Variants in ACACA observed in about 807,000 individuals in gnomAD.
ACACA encodes the protein acetyl-CoA carboxylase alpha, also known as acetyl-CoA carboxylase 1.
In ACACA, 103 loss-of-function variants were observed where a neutral mutation model predicts 296.1. The ratio of observed to expected loss-of-function variants is 0.35; its 90% CI spans 0.30 to 0.41. The LOEUF (loss-of-function observed/expected upper bound fraction) is 0.41. Among genes scored for constraint, ACACA ranks in the 10% least tolerant of loss-of-function variants. The pLI is 1.00. For synonymous variants in ACACA, 953 were observed against 1,038.6 expected (o/e 0.92, Z 1.58); for missense variants, 1,554 against 2,989.7 (o/e 0.52, Z 11.20).
Position 37,085,537 on chromosome 17 carries a change from C to T in ACACA, c.*1779G>A, listed in dbSNP as rs951005594. ...ATGAATCCAATTCTTACTAGGTAAG[C>T]AAATAGCCAGCAATGGTCAATGCAT... On this transcript the variant is annotated 3_prime_UTR_variant, in exon 56 of 56. Coordinates refer to ENST00000616317, the MANE Select transcript of ACACA (RefSeq NM_198834.3). 21 of 398,454 alleles carry T rather than the reference C, an allele frequency of 5.3e-5. No individual in the cohort carries two copies. The highest frequency in any genetic ancestry group is 3.9e-4 in the African/African-American group (19 of 48,744). 24.7% of individuals were successfully genotyped at this position (398,454 alleles called of 1,614,324 possible). A position where few individuals can be genotyped will look rare whatever the true frequency, so the allele number is the denominator to read the frequency against.
chr17:37,262,895 A>G (rs1321272439), intron 11 of ACACA, among the ~76,000 whole-genome samples: 1 of 151,814 alleles, frequency 6.6e-6, no homozygotes, highest in African/African-American at 2.4e-5. Context: ...ACACTCAGCT[A>G]ATTTTTGTAT....
intron 3 of ACACA, among the ~76,000 whole-genome samples, chr17:37,289,091 C>T (rs900407319): frequency 2.6e-5 from 4 of 151,638 alleles, no homozygotes; most frequent in African/African-American, 9.7e-5. Flanking sequence ...GGTGAAACCC[C>T]GTCTCTACTA....
chr17:37,383,690 G>A (rs1184378476), intron 1 of ACACA, among the ~76,000 whole-genome samples: 1 of 152,102 alleles, frequency 6.6e-6, no homozygotes, highest in Admixed American at 6.6e-5. Context: ...TGGGATTACA[G>A]CACCACCATG....
intron 8 of ACACA, among the ~76,000 whole-genome samples, chr17:37,275,679 C>T (rs948152518): frequency 6.6e-6 from 1 of 152,174 alleles, no homozygotes; most frequent in African/African-American, 2.4e-5. Context: ...TCTAAACCCA[C>T]AAAACCATAT....
At chr17:37,344,299 T>C (rs1018270410) in intron 1 of ACACA, among the ~76,000 whole-genome samples, 2 of 152,016 alleles carry the variant, frequency 1.3e-5, no homozygotes, top group African/African-American at 4.8e-5. Context: ...AGCTCACACC[T>C]GTAATCACAG....
intron 9 of ACACA, 38 bp downstream of exon 9, chr17:37,274,155 C>T: frequency 1.3e-6 from 2 of 1,538,706 alleles, no homozygotes; most frequent in Non-Finnish European, 1.8e-6. Context: ...TATAACTGGT[C>T]AGCTGAAAGG....
chr17:37,321,525 G>A lies in ACACA; in HGVS notation c.338+8648C>T, dbSNP rs552362387. On this transcript the variant is annotated intron_variant, in intron 3 of 55. Coordinates refer to ENST00000616317, the MANE Select transcript of ACACA (RefSeq NM_198834.3). ...AGCACTTTGGGAGGCTGAGGCGGGCGGATCATGAGGTCAGGAGATCGATAC... is the reference window on the plus strand; with the variant it reads ...AGCACTTTGGGAGGCTGAGGCGGGCAGATCATGAGGTCAGGAGATCGATAC... Among the ~76,000 whole-genome samples, 13 of 152,146 alleles carry A rather than the reference G, an allele frequency of 8.5e-5. No individual in the cohort carries two copies. The East Asian group carries it at 1.9e-3, about 23-fold the overall frequency.
At chr17:37,308,041 G>C (rs1420761164) in intron 3 of ACACA, among the ~76,000 whole-genome samples, 1 of 152,020 alleles carries the variant, frequency 6.6e-6, no homozygotes, top group Non-Finnish European at 1.5e-5. Flanking sequence ...TACATTCATT[G>C]CAAGTGTTTA....
At chr17:37,333,134 C>T (rs1381243859) in intron 2 of ACACA, among the ~76,000 whole-genome samples, 1 of 152,094 alleles carries the variant, frequency 6.6e-6, no homozygotes, top group Non-Finnish European at 1.5e-5. Flanking sequence ...CTCACTCAGG[C>T]ACTAGAATTA....
Position 37,243,386 on chromosome 17 carries a change from C to T in ACACA, c.2916G>A (p.Gln972=). 1 of 1,614,124 alleles carries T rather than the reference C, an allele frequency of 6.2e-7. No individual in the cohort carries two copies. Among genetic ancestry groups the T allele is most frequent in the Non-Finnish European group, 8.5e-7 (1 of 1,179,990 alleles). ...YASNITSVLC[Q]FPSQQIANIL... is the part of the protein sequence containing the mutation. Reference sequence around the variant, plus strand: ...CTATAAATACCTGCTGGCTGGGAAACTGACAGAGGACTGATGTGATGTTGC... The same window carrying T: ...CTATAAATACCTGCTGGCTGGGAAATTGACAGAGGACTGATGTGATGTTGC... The change falls in exon 22 of 56, where the codon CAG becomes CAA. Residue 972 remains glutamine, a synonymous_variant. Transcript: ENST00000616317.
At position 37,086,719 on chromosome 17, in the gene ACACA, T is replaced by C. The variant is rs1325913199; in HGVS notation, c.*597A>G. 6.4e-6 allele frequency: 1 copy of C among 156,238 alleles called. No individual in the cohort carries two copies. Among genetic ancestry groups the C allele is most frequent in the Non-Finnish European group, 1.4e-5 (1 of 70,272 alleles). The allele number at this position is 156,238 out of a possible 1,614,324, so 9.7% of individuals were successfully genotyped here. A position where few individuals can be genotyped will look rare whatever the true frequency, so the allele number is the denominator to read the frequency against. On this transcript the variant is annotated 3_prime_UTR_variant, in exon 56 of 56. Transcript: ENST00000616317. ...TTTTGCCCTCATCTTTGAGTTCCTA[T>C]GGAGCTTGTAGTAGATTTTATGCTC...
chr17:37,193,135 G>T (rs2145125079), intron 36 of ACACA, among the ~76,000 whole-genome samples: 1 of 152,260 alleles, frequency 6.6e-6, no homozygotes, highest in African/African-American at 2.4e-5. Flanking sequence ...ACAGGACAAG[G>T]ATGATTTGGA....
At chr17:37,123,833 G>A (rs896643788) in intron 48 of ACACA, among the ~76,000 whole-genome samples, 2 of 152,164 alleles carry the variant, frequency 1.3e-5, no homozygotes, top group Admixed American at 6.5e-5. Flanking sequence ...ACCCTAAATC[G>A]GTAACTTATA....
intron 1 of ACACA, among the ~76,000 whole-genome samples, chr17:37,372,665 C>A (rs865884661): frequency 6.6e-6 from 1 of 152,092 alleles, no homozygotes; most frequent in Admixed American, 6.6e-5. Flanking sequence ...TACTCTCTTC[C>A]AACGCCATAT....
intron 1 of ACACA, chr17:37,389,398 A>T: frequency 6.4e-7 from 1 of 1,553,362 alleles, no homozygotes; most frequent in Non-Finnish European, 8.7e-7. Context: ...TCATTTGCTT[A>T]AAGAAGGTGG....
At chr17:37,365,851 T>G (rs1037879975) in intron 1 of ACACA, 1 of 463,436 alleles carries the variant, frequency 2.2e-6, no homozygotes, top group Non-Finnish European at 2.8e-6. Flanking sequence ...ATGGCATTTC[T>G]GCTCTCACTC....
chr17:37,316,615 G>A (rs541831998), intron 3 of ACACA, among the ~76,000 whole-genome samples: 1 of 152,248 alleles, frequency 6.6e-6, no homozygotes, highest in African/African-American at 2.4e-5. Context: ...AATTAGTACT[G>A]CCACTACGGA....
At position 37,259,546 on chromosome 17, in the gene ACACA, T is replaced by G. The variant is rs1273562017; in HGVS notation, c.1330-16A>C. On this transcript the variant is annotated splice_polypyrimidine_tract_variant and intron_variant, in intron 11 of 55. Coordinates refer to ENST00000616317, the MANE Select transcript of ACACA (RefSeq NM_198834.3). ...TCACCGCACACTCAAAGAAGAGAGA[T>G]AAGCAAACATAAGTATCTCACCTTA... The G allele has an allele frequency of 1.2e-6, 2 of 1,614,118 alleles. No homozygotes were observed. The highest frequency in any genetic ancestry group is 4.5e-5 in the East Asian group (2 of 44,874).
intron 39 of ACACA, among the ~76,000 whole-genome samples, chr17:37,181,900 CAAA>C (rs61045031): frequency 1.3e-4 from 3 of 22,236 alleles, no homozygotes; most frequent in Non-Finnish European, 1.9e-4. Flanking sequence ...ACTCTGTATC[CAAA>C]AAAAAAAAAA....
Sources: gnomAD v4.1 joint callset for allele counts (sites outside exome capture counted in the v4.1 genomes callset) on GRCh38, gnomAD v4.1.1 for gene constraint, MANE v1.5 for transcripts, NCBI Gene and HGNC (gene_info 2026-07-23, HGNC 2026-07-21) for gene names.